CTNNA3: variants seen among roughly 807,000 people sequenced by gnomAD.
The protein encoded by CTNNA3 is catenin alpha-3.
A neutral mutation model predicts 95.7 loss-of-function variants in CTNNA3; 76 were observed. The ratio of observed to expected loss-of-function variants is 0.79; its 90% confidence interval spans 0.66 to 0.96. CTNNA3 has a LOEUF of 0.96. Ranked by LOEUF, CTNNA3 falls within the 40% of genes least tolerant of loss-of-function variation. CTNNA3 has a pLI of 0.00. For synonymous variants in CTNNA3, 431 were observed against 374.4 expected (o/e 1.15, Z -1.74); for missense variants, 1,191 against 1,089.8 (o/e 1.09, Z -1.31).
At chr10:66,780,953 T>C (rs764859432) in intron 7 of CTNNA3, among the ~76,000 whole-genome samples, 45 of 152,218 alleles carry the variant, frequency 3.0e-4, no homozygotes, top group Non-Finnish European at 6.2e-4. Context: ...GAATAATATG[T>C]TACTTTTATT....
In CTNNA3 at chr10:67,537,730, C is replaced by T. The variant is rs1589401988; in HGVS notation, c.459+1773G>A. On this transcript the variant is annotated intron_variant, in intron 4 of 17. Coordinates refer to ENST00000433211, the MANE Select transcript of CTNNA3 (RefSeq NM_013266.4). ...AATAGGAATTATTGGGTCATTGGAA[C>T]TAGGAATTACCTGCCACTTAATCTT... Among the ~76,000 whole-genome samples the T allele has an allele frequency of 2.0e-5, 3 of 152,234 alleles. No homozygotes were observed. The East Asian group carries it at 5.8e-4, about 29-fold the overall frequency.
chr10:67,676,382 A>G (rs139178996), intron 1 of CTNNA3, among the ~76,000 whole-genome samples: 6 of 152,334 alleles, frequency 3.9e-5, no homozygotes, highest in African/African-American at 1.4e-4. Context: ...GATATATGTT[A>G]TGATGTCATA....
chr10:66,372,428 T>A (rs1353635660), intron 12 of CTNNA3, among the ~76,000 whole-genome samples: 1 of 152,120 alleles, frequency 6.6e-6, no homozygotes, highest in African/African-American at 2.4e-5. Flanking sequence ...TTACAGAAGA[T>A]ACAAGACCTC....
chr10:66,669,183 C>T (rs1846568282), intron 9 of CTNNA3, among the ~76,000 whole-genome samples: 2 of 152,010 alleles, frequency 1.3e-5, no homozygotes, highest in Non-Finnish European at 2.9e-5. Context: ...ATTCTCAAGG[C>T]CTTTTTGTAT....
At chr10:66,483,116 G>T (rs1211739272) in intron 11 of CTNNA3, among the ~76,000 whole-genome samples, 3 of 152,160 alleles carry the variant, frequency 2.0e-5, no homozygotes, top group Non-Finnish European at 4.4e-5. Flanking sequence ...TTTTTCAACA[G>T]ACTTGATGGT....
rs543553942 is a variant in CTNNA3 at position 67,703,474 on chromosome 10, C to T, written c.-1-55960G>A. Among the ~76,000 whole-genome samples, 1,491 of 152,126 alleles carry T rather than the reference C, an allele frequency of 9.8e-3. 10 individuals are homozygous for T. Among genetic ancestry groups the T allele is most frequent in the Non-Finnish European group, 0.015 (1,029 of 67,992 alleles). ...TGGGATGCAAGGCTGGTTCAATATACGCAAATCAATAAATGTAATCCAGCA... is the reference window on the plus strand; with the variant it reads ...TGGGATGCAAGGCTGGTTCAATATATGCAAATCAATAAATGTAATCCAGCA... On this transcript the variant is annotated intron_variant, in intron 1 of 17. Transcript: ENST00000684154.
At chr10:66,766,458 A>G (rs746769008) in intron 8 of CTNNA3, 42 bp from the exon 9 acceptor site, 6 of 1,552,434 alleles carry the variant, frequency 3.9e-6, no homozygotes, top group Admixed American at 1.8e-5. Context: ...TTTCCAGGAA[A>G]TAGTTCACTG....
chr10:66,148,270 G>T (rs887591472), intron 13 of CTNNA3, among the ~76,000 whole-genome samples: 5 of 151,686 alleles, frequency 3.3e-5, no homozygotes, highest in African/African-American at 7.3e-5. Context: ...TATATTTTTA[G>T]TTATATTTTA....
At chr10:65,929,760 G>C (rs902926661) in intron 17 of CTNNA3, among the ~76,000 whole-genome samples, 4 of 151,778 alleles carry the variant, frequency 2.6e-5, no homozygotes, top group Non-Finnish European at 4.4e-5. Flanking sequence ...GTACAGACAG[G>C]GTTTCACCAT....
chr10:65,973,169 C>T (rs369293833), intron 16 of CTNNA3, among the ~76,000 whole-genome samples: 2 of 152,242 alleles, frequency 1.3e-5, no homozygotes, highest in African/African-American at 4.8e-5. Context: ...TTAAACTGGA[C>T]CCCTATTTTT....
intron 3 of CTNNA3, among the ~76,000 whole-genome samples, chr10:67,602,017 T>C (rs1016477713): frequency 2.6e-5 from 4 of 152,210 alleles, no homozygotes; most frequent in African/African-American, 7.2e-5. Flanking sequence ...AATTATAGTA[T>C]GTCTTTATTG....
intron 3 of CTNNA3, among the ~76,000 whole-genome samples, chr10:67,540,111 AAACT>A (rs1338461775): frequency 3.9e-5 from 6 of 152,284 alleles, no homozygotes; most frequent in Admixed American, 1.3e-4. Context: ...AATTTATTCT[AAACT>A]ATCAATATAA....
At chr10:66,527,944 G>A (rs763315366) in intron 10 of CTNNA3, among the ~76,000 whole-genome samples, 5 of 151,876 alleles carry the variant, frequency 3.3e-5, no homozygotes, top group Non-Finnish European at 5.9e-5. Context: ...TTTTTTATTC[G>A]TTTAAAGTTG....
chr10:66,749,202 CAAAAAAAAAAA>C (rs35568730), intron 9 of CTNNA3, among the ~76,000 whole-genome samples: 1,331 of 50,998 alleles, frequency 0.026, 37 homozygotes, highest in African/African-American at 0.099. Flanking sequence ...AACTCCAACT[CAAAAAAAAAAA>C]AAAAAAAAAA....
chr10:67,086,598 G>T (rs1327986833), intron 7 of CTNNA3, among the ~76,000 whole-genome samples: 1 of 151,950 alleles, frequency 6.6e-6, no homozygotes, highest in Non-Finnish European at 1.5e-5. Context: ...AGAATGTGAA[G>T]ACTACATCAA....
chr10:66,911,634 A>C (rs1846227651), intron 7 of CTNNA3, among the ~76,000 whole-genome samples: 1 of 152,204 alleles, frequency 6.6e-6, no homozygotes. Flanking sequence ...TCTGTGTCGT[A>C]TATTAATTGA....
chr10:66,007,796 T>C (rs571514572), intron 15 of CTNNA3, among the ~76,000 whole-genome samples: 25 of 59,166 alleles, frequency 4.2e-4, no homozygotes, highest in African/African-American at 1.4e-3. Context: ...CCTTCCTCCC[T>C]TCCTTCCTCC....
intron 5 of CTNNA3, among the ~76,000 whole-genome samples, chr10:67,387,194 G>GGTGC (rs1484383479): frequency 6.6e-6 from 1 of 152,056 alleles, no homozygotes; most frequent in Non-Finnish European, 1.5e-5. Flanking sequence ...CAGGTCAGTG[G>GGTGC]GTGCGCGCAC....
intron 6 of CTNNA3, among the ~76,000 whole-genome samples, chr10:67,205,609 T>G (rs1863861276): frequency 1.3e-5 from 2 of 152,220 alleles, no homozygotes; most frequent in South Asian, 4.1e-4. Context: ...GAGAACAGAG[T>G]GAAGTGTGGA....
Sources: gnomAD v4.1 joint callset for allele counts (sites outside exome capture counted in the v4.1 genomes callset) on GRCh38, gnomAD v4.1.1 for gene constraint, MANE v1.5 for transcripts, NCBI Gene and HGNC (gene_info 2026-07-23, HGNC 2026-07-21) for gene names.